Variants in LRBA observed in about 807,000 individuals in gnomAD.
The protein encoded by LRBA is LPS responsive beige-like anchor protein.
In LRBA, 176 loss-of-function variants were observed where a neutral mutation model predicts 330.0. The observed-to-expected ratio is 0.53, with a 90% CI of 0.47 to 0.60. The LOEUF is 0.60. Ranked by LOEUF, LRBA falls within the 20% of genes least tolerant of loss-of-function variation. The probability of loss-of-function intolerance (pLI) is 0.00; values close to 1 mark genes in which losing one functional copy is unlikely to be tolerated. For synonymous variants in LRBA, 1,230 were observed against 1,193.0 expected, an observed-to-expected ratio of 1.03 and a Z score of -0.64; for missense variants, 3,259 against 3,444.8, an observed-to-expected ratio of 0.95 and a Z score of 1.35.
At chr4:150,873,594 A>C (rs1753680649) in intron 17 of LRBA, among the ~76,000 whole-genome samples, 2 of 151,866 alleles carry the variant, frequency 1.3e-5, no homozygotes, top group Admixed American at 1.3e-4. Context: ...TGTCTCAAAA[A>C]AAAAAACAAA....
intron 37 of LRBA, among the ~76,000 whole-genome samples, chr4:150,658,421 G>A (rs1054613956): frequency 1.3e-5 from 2 of 149,030 alleles, no homozygotes; most frequent in African/African-American, 5.0e-5. Flanking sequence ...CTGATTGGCT[G>A]TTATCAAGTT....
chr4:150,847,327 CAACT>C (rs996719756), intron 26 of LRBA, among the ~76,000 whole-genome samples: 1 of 152,026 alleles, frequency 6.6e-6, no homozygotes, highest in Non-Finnish European at 1.5e-5. Flanking sequence ...AATTTTAAAA[CAACT>C]GTCTATAAAT....
chr4:150,490,963 AACG>A lies in LRBA; in HGVS notation c.6400_6402del (p.Arg2134del). The A allele has an allele frequency of 6.2e-7, 1 of 1,610,048 alleles. No individual in the cohort carries two copies. Reference sequence around the variant, plus strand: ...TCCAGGGCTGTATTTTGCAAAAGATAACGACGAGAAAAGATTGATCGTATCTCT... The same window carrying A: ...TCCAGGGCTGTATTTTGCAAAAGATAACGAGAAAAGATTGATCGTATCTCT... On this transcript the variant is annotated inframe_deletion, in exon 41 of 57. Coordinates refer to ENST00000651943, the MANE Select transcript of LRBA (RefSeq NM_001364905.1).
chr4:150,402,874 G>A (rs188201089), intron 47 of LRBA, among the ~76,000 whole-genome samples: 10 of 151,584 alleles, frequency 6.6e-5, no homozygotes, highest in African/African-American at 1.9e-4. Flanking sequence ...AAACTAAGCC[G>A]TTCTGGATAA....
At chr4:150,345,617 T>C (rs940860099) in intron 48 of LRBA, among the ~76,000 whole-genome samples, 1 of 152,176 alleles carries the variant, frequency 6.6e-6, no homozygotes, top group Admixed American at 6.5e-5. Flanking sequence ...AGAGTGGGCA[T>C]TATCGTATGA....
At chr4:150,378,603 C>T (rs1302866553) in intron 47 of LRBA, among the ~76,000 whole-genome samples, 3 of 152,084 alleles carry the variant, frequency 2.0e-5, no homozygotes, top group Non-Finnish European at 4.4e-5. Flanking sequence ...TCATATGCAT[C>T]AGAGACGGAA....
intron 37 of LRBA, among the ~76,000 whole-genome samples, chr4:150,640,554 T>C (rs1454943516): frequency 6.6e-6 from 1 of 152,196 alleles, no homozygotes; most frequent in Non-Finnish European, 1.5e-5. Flanking sequence ...TAAGGAATAA[T>C]TGCAAACTAC....
chr4:150,511,403 A>C (rs769399996), intron 40 of LRBA, among the ~76,000 whole-genome samples: 6 of 152,178 alleles, frequency 3.9e-5, no homozygotes, highest in Non-Finnish European at 8.8e-5. Context: ...ACTTTAGAAG[A>C]GGTTCTTATC....
chr4:150,596,690 CTTT>C, intron 38 of LRBA, among the ~76,000 whole-genome samples: 1 of 151,834 alleles, frequency 6.6e-6, no homozygotes, highest in East Asian at 1.9e-4. Context: ...TGATTAGCTT[CTTT>C]AATGCTCCAA....
intron 29 of LRBA, among the ~76,000 whole-genome samples, chr4:150,829,319 G>A (rs1158983092): frequency 3.3e-5 from 5 of 152,186 alleles, no homozygotes; most frequent in East Asian, 3.9e-4. Flanking sequence ...CCCCTTCTAC[G>A]TGCATAAATA....
chr4:150,421,694 C>G (rs1206076359), intron 46 of LRBA, among the ~76,000 whole-genome samples: 2 of 152,082 alleles, frequency 1.3e-5, no homozygotes, highest in African/African-American at 2.4e-5. Flanking sequence ...GCAATAGTCA[C>G]AAATACATTG....
intron 40 of LRBA, among the ~76,000 whole-genome samples, chr4:150,574,766 AC>A (rs1770324552): frequency 6.6e-6 from 1 of 152,072 alleles, no homozygotes; most frequent in African/African-American, 2.4e-5. Context: ...AAGTTACCCA[AC>A]AAATATTAGA....
intron 23 of LRBA, among the ~76,000 whole-genome samples, 174 bp from the exon 24 acceptor site, chr4:150,851,076 A>G (rs764365157): frequency 6.6e-6 from 1 of 152,236 alleles, no homozygotes; most frequent in African/African-American, 2.4e-5. Context: ...ACATTTTAGT[A>G]CATGTAAGCA....
rs747502615 is a variant in LRBA at position 150,845,963 on chromosome 4, A to C, written c.4340-1184T>G. Among the ~76,000 whole-genome samples, 30 of 152,294 alleles carry C rather than the reference A, an allele frequency of 2.0e-4. 1 individual carries two copies. Among genetic ancestry groups the C allele is most frequent in the Non-Finnish European group, 3.5e-4 (24 of 68,024 alleles). ...AGTTACTCTTACTGCTGTCATCCTAACTTCTAACTCCAACCTCAGGAAACA... is the reference window on the plus strand; with the variant it reads ...AGTTACTCTTACTGCTGTCATCCTACCTTCTAACTCCAACCTCAGGAAACA... On this transcript the variant is annotated intron_variant, in intron 26 of 56. Coordinates refer to ENST00000651943, the MANE Select transcript of LRBA (RefSeq NM_001364905.1).
intron 13 of LRBA, 71 bp from the exon 14 acceptor site, chr4:150,900,288 C>T (rs952348580): frequency 1.7e-6 from 2 of 1,169,296 alleles, no homozygotes; most frequent in Non-Finnish European, 1.2e-6. Flanking sequence ...CACTTCCAGG[C>T]TGTTTTATTT....
Position 150,715,613 on chromosome 4 carries a change from T to A in LRBA, c.5754+19645A>T, listed in dbSNP as rs190203473. ...CCACATCAGGTTGCCAAAATTTAAA[T>A]ATGTATATTTTATTTGTATGTTTTG... is the stretch of plus-strand genomic sequence containing the variant. On this transcript the variant is annotated intron_variant, in intron 36 of 56. Transcript: ENST00000651943. Among the ~76,000 whole-genome samples the A allele has an allele frequency of 3.4e-3, 522 of 152,320 alleles. 5 individuals are homozygous for A. The highest frequency in any genetic ancestry group is 5.9e-3 in the Non-Finnish European group (403 of 68,034).
chr4:150,419,810 G>T (rs1748377532), intron 46 of LRBA, among the ~76,000 whole-genome samples: 1 of 150,930 alleles, frequency 6.6e-6, no homozygotes, highest in Non-Finnish European at 1.5e-5. Context: ...GTTAATTTTT[G>T]TATTTTTAGT....
intron 36 of LRBA, among the ~76,000 whole-genome samples, chr4:150,733,208 C>G (rs1462969992): frequency 1.3e-5 from 2 of 151,834 alleles, no homozygotes; most frequent in Non-Finnish European, 2.9e-5. Context: ...CTATAAAAGA[C>G]AGTGTGGAGT....
intron 56 of LRBA, among the ~76,000 whole-genome samples, chr4:150,267,176 C>G (rs918553434): frequency 6.6e-6 from 1 of 152,156 alleles, no homozygotes; most frequent in Non-Finnish European, 1.5e-5. Flanking sequence ...TTGAACAATA[C>G]GATAAGCCAA....
Sources: gnomAD v4.1 joint callset for allele counts (sites outside exome capture counted in the v4.1 genomes callset) on GRCh38, gnomAD v4.1.1 for gene constraint, MANE v1.5 for transcripts, NCBI Gene and HGNC (gene_info 2026-07-23, HGNC 2026-07-21) for gene names.